The following PTPRD variants were observed in gnomAD, a reference collection of about 807,000 sequenced individuals.
PTPRD encodes protein tyrosine phosphatase receptor type D.
PTPRD carries 34 observed loss-of-function variants against 214.5 expected under a neutral mutation model. The observed-to-expected ratio is 0.16, with a 90% CI of 0.12 to 0.21. The LOEUF (loss-of-function observed/expected upper bound fraction) is 0.21. Among genes scored for constraint, PTPRD ranks in the 10% least tolerant of loss-of-function variants. The pLI is 1.00. For missense variants in PTPRD, 2,545 were observed against 2,398.7 expected, an observed-to-expected ratio of 1.06 and a Z score of -1.27; for synonymous variants, 1,128 against 845.7, an observed-to-expected ratio of 1.33 and a Z score of -5.79.
intron 10 of PTPRD, among the ~76,000 whole-genome samples, chr9:9,096,784 T>C (rs2099784149): frequency 6.6e-6 from 1 of 152,126 alleles, no homozygotes; most frequent in African/African-American, 2.4e-5. Context: ...CTAAAGTAAA[T>C]GAGGTTTATA....
intron 33 of PTPRD, among the ~76,000 whole-genome samples, chr9:8,459,736 A>G (rs2096331080): frequency 6.6e-6 from 1 of 152,108 alleles, no homozygotes; most frequent in African/African-American, 2.4e-5. Flanking sequence ...ACACTACTCA[A>G]ATCAACACAT....
intron 11 of PTPRD, among the ~76,000 whole-genome samples, chr9:8,995,923 A>G (rs749290108): frequency 6.6e-6 from 1 of 152,138 alleles, no homozygotes; most frequent in Non-Finnish European, 1.5e-5. Flanking sequence ...TTCTAGTACA[A>G]TATATCTGTA....
At chr9:8,318,488 C>T (rs1823800445) in intron 45 of PTPRD, among the ~76,000 whole-genome samples, 1 of 152,000 alleles carries the variant, frequency 6.6e-6, no homozygotes, top group Admixed American at 6.6e-5. Context: ...GAATCACTCA[C>T]AGTCATTTCA....
intron 11 of PTPRD, among the ~76,000 whole-genome samples, chr9:8,808,462 CTTTTTTTT>C (rs34627797): frequency 3.0e-5 from 3 of 98,814 alleles, no homozygotes; most frequent in Non-Finnish European, 3.8e-5. Context: ...AGCCCCCCAC[CTTTTTTTT>C]TTTTTTTTTT....
At chr9:8,757,238 G>C (rs2094063398) in intron 11 of PTPRD, among the ~76,000 whole-genome samples, 1 of 152,194 alleles carries the variant, frequency 6.6e-6, no homozygotes, top group African/African-American at 2.4e-5. Context: ...GGTCAAACAA[G>C]GACAATGCCT....
chr9:10,308,264 T>A lies in PTPRD; in HGVS notation c.-545+32699A>T, dbSNP rs111758493. 3.9e-5 allele frequency among the ~76,000 whole-genome samples: 6 copies of A among 152,196 alleles called. 1 individual carries two copies. Among genetic ancestry groups the A allele is most frequent in the African/African-American group, 1.4e-4 (6 of 41,568 alleles). ...TATATAGTGAGAGATAGCATCTGGCTTCATTATTCTGCATATGGATGTCCA... is the reference window on the plus strand; with the variant it reads ...TATATAGTGAGAGATAGCATCTGGCATCATTATTCTGCATATGGATGTCCA... On this transcript the variant is annotated intron_variant, in intron 3 of 45. Transcript: ENST00000381196.
chr9:9,199,522 A>T (rs1170984638), intron 9 of PTPRD, among the ~76,000 whole-genome samples: 1 of 152,190 alleles, frequency 6.6e-6, no homozygotes, highest in Non-Finnish European at 1.5e-5. Context: ...TGAAAATAAG[A>T]CCAGACTAAA....
At chr9:9,394,003 G>GA (rs1408792700) in intron 9 of PTPRD, among the ~76,000 whole-genome samples, 2 of 152,048 alleles carry the variant, frequency 1.3e-5, no homozygotes, top group African/African-American at 2.4e-5. Flanking sequence ...CTGCCACGGA[G>GA]AAAATCAACC....
chr9:8,630,873 A>G (rs1269071301), intron 14 of PTPRD, among the ~76,000 whole-genome samples: 3 of 151,884 alleles, frequency 2.0e-5, no homozygotes, highest in Non-Finnish European at 4.4e-5. Context: ...TTGGATGCAT[A>G]AAGATAAGTC....
chr9:10,558,799 TA>T (rs764445878), intron 2 of PTPRD, among the ~76,000 whole-genome samples: 10 of 152,140 alleles, frequency 6.6e-5, no homozygotes, highest in Non-Finnish European at 1.5e-4. Context: ...TGTAAGCATG[TA>T]AAAACAATAT....
At chr9:10,044,160 G>A (rs1314972665) in intron 3 of PTPRD, among the ~76,000 whole-genome samples, 1 of 151,772 alleles carries the variant, frequency 6.6e-6, no homozygotes, top group African/African-American at 2.4e-5. Flanking sequence ...AACTGTGAAT[G>A]TGTAGAATGG....
intron 39 of PTPRD, among the ~76,000 whole-genome samples, chr9:8,373,529 A>G (rs1383196111): frequency 2.0e-5 from 3 of 151,902 alleles, no homozygotes; most frequent in Admixed American, 1.3e-4. Context: ...AGCTCAGCAC[A>G]TTCATCTTTG....
At chr9:9,097,402 C>CT (rs200629393) in intron 10 of PTPRD, among the ~76,000 whole-genome samples, 17,877 of 143,334 alleles carry the variant, frequency 0.12, 1,250 homozygotes, top group East Asian at 0.24. Context: ...CACCATGGCT[C>CT]TTTTTTTTTT....
chr9:8,349,680 G>A (rs1274121172), intron 39 of PTPRD, among the ~76,000 whole-genome samples: 2 of 152,108 alleles, frequency 1.3e-5, no homozygotes. Context: ...AAAAAGGAGT[G>A]CATAACCCTG....
At chr9:9,355,582 C>A (rs1387548181) in intron 9 of PTPRD, among the ~76,000 whole-genome samples, 1 of 151,356 alleles carries the variant, frequency 6.6e-6, no homozygotes, top group Non-Finnish European at 1.5e-5. Context: ...AGTTTTTGGA[C>A]AAGTTTCATT....
chr9:10,121,365 A>G (rs2154248369), intron 3 of PTPRD, among the ~76,000 whole-genome samples: 1 of 152,316 alleles, frequency 6.6e-6, no homozygotes, highest in African/African-American at 2.4e-5. Flanking sequence ...TTTCCTAATT[A>G]CATTTTGCTT....
chr9:9,661,849 G>C (rs2096628358), intron 7 of PTPRD, among the ~76,000 whole-genome samples: 1 of 151,700 alleles, frequency 6.6e-6, no homozygotes, highest in South Asian at 2.1e-4. Flanking sequence ...AAGGAGATTT[G>C]AGTGCTTGTT....
intron 14 of PTPRD, among the ~76,000 whole-genome samples, chr9:8,579,547 A>G (rs780431802): frequency 6.6e-6 from 1 of 152,218 alleles, no homozygotes; most frequent in Non-Finnish European, 1.5e-5. Context: ...CAATAAAAGT[A>G]TAAAAAACCC....
At position 9,376,966 on chromosome 9, in the gene PTPRD, C is replaced by G. The variant is rs958184448; in HGVS notation, c.-203+20483G>C. Among the ~76,000 whole-genome samples the G allele has an allele frequency of 2.0e-5, 3 of 151,838 alleles. No individual in the cohort carries two copies. The East Asian group carries it at 5.8e-4, about 29-fold the overall frequency. On this transcript the variant is annotated intron_variant, in intron 9 of 45. Transcript: ENST00000381196. ...TCAGATCTATATTCTAGGGAGCACT[C>G]AATATAAAAACTGAAAATTTTAAGT...
Sources: allele counts gnomAD v4.1 joint callset (sites outside exome capture counted in the v4.1 genomes callset), GRCh38; gene constraint gnomAD v4.1.1; transcripts MANE v1.5; gene names NCBI Gene and HGNC (gene_info 2026-07-23, HGNC 2026-07-21).